DLG2: variants seen among roughly 807,000 people sequenced by gnomAD.
DLG2 encodes the protein disks large homolog 2.
In DLG2, 45 loss-of-function variants were observed where a neutral mutation model predicts 132.5. That is an observed-to-expected ratio of 0.34 (90% CI 0.27 to 0.44). The LOEUF (loss-of-function observed/expected upper bound fraction) is 0.44. Among genes scored for constraint, DLG2 ranks in the 20% least tolerant of loss-of-function variants. The pLI, the probability that DLG2 is intolerant of heterozygous loss-of-function variation, is 1.00. For synonymous variants in DLG2, 424 were observed against 419.6 expected, an observed-to-expected ratio of 1.01 and a Z score of -0.13; for missense variants, 1,045 against 1,196.9, an observed-to-expected ratio of 0.87 and a Z score of 1.87.
intron 6 of DLG2, among the ~76,000 whole-genome samples, chr11:84,634,074 T>C (rs541635228): frequency 3.7e-4 from 56 of 152,306 alleles, no homozygotes; most frequent in African/African-American, 1.3e-3. Flanking sequence ...CTATTTGCAC[T>C]TGAGGCATCT....
intron 4 of DLG2, among the ~76,000 whole-genome samples, chr11:85,172,970 C>T (rs957468339): frequency 4.2e-4 from 64 of 151,982 alleles, no homozygotes; most frequent in Non-Finnish European, 8.5e-4. Context: ...TATAGGATTA[C>T]GTAAAGTGAC....
In DLG2 at chr11:83,914,687, C is replaced by T. The variant is rs190943154; in HGVS notation, c.1496+15641G>A. ...ACGGCTAGTGAGTAGAGCCAGGATCCGAACTCAAGCACATGCCCTTAAATG... is the reference window on the plus strand; with the variant it reads ...ACGGCTAGTGAGTAGAGCCAGGATCTGAACTCAAGCACATGCCCTTAAATG... On this transcript the variant is annotated intron_variant, in intron 15 of 27. Transcript: ENST00000376104. 3.9e-5 allele frequency among the ~76,000 whole-genome samples: 6 copies of T among 152,214 alleles called. No individual in the cohort carries two copies. The East Asian group carries it at 5.8e-4, about 15-fold the overall frequency.
intron 22 of DLG2, among the ~76,000 whole-genome samples, chr11:83,479,289 T>G (rs574073420): frequency 6.6e-6 from 1 of 151,976 alleles, no homozygotes; most frequent in East Asian, 1.9e-4. Flanking sequence ...TCCAAAGCCT[T>G]TCTTAAAAAT....
chr11:83,483,277 C>T (rs748564287), intron 22 of DLG2: 6 of 1,612,938 alleles, frequency 3.7e-6, no homozygotes, highest in Admixed American at 1.7e-5. Flanking sequence ...CCATAACCGT[C>T]GTCACCTAAT....
chr11:85,533,950 T>A (rs914889892), intron 3 of DLG2, among the ~76,000 whole-genome samples: 7 of 152,208 alleles, frequency 4.6e-5, no homozygotes, highest in African/African-American at 1.7e-4. Context: ...AATAGAACAA[T>A]ATATGCCCAC....
intron 7 of DLG2, among the ~76,000 whole-genome samples, chr11:84,304,341 A>G (rs1805410633): frequency 1.3e-5 from 2 of 152,194 alleles, no homozygotes; most frequent in Non-Finnish European, 2.9e-5. Flanking sequence ...GTAAGGCAAT[A>G]CTCTAATTTT....
chr11:85,027,173 CTTTTTTTTT>C (rs10571202), intron 6 of DLG2, among the ~76,000 whole-genome samples: 6 of 69,364 alleles, frequency 8.7e-5, no homozygotes, highest in Admixed American at 5.8e-4. Context: ...AGTGTGGTCT[CTTTTTTTTT>C]TTTTTTTTTT....
intron 4 of DLG2, among the ~76,000 whole-genome samples, chr11:85,183,591 A>G (rs2079879750): frequency 6.6e-6 from 1 of 151,892 alleles, no homozygotes; most frequent in Non-Finnish European, 1.5e-5. Context: ...GTCCAGGTCC[A>G]CCATTTTAAC....
intron 3 of DLG2, among the ~76,000 whole-genome samples, chr11:85,333,864 AC>A (rs2152844119): frequency 6.7e-6 from 1 of 149,054 alleles, no homozygotes; most frequent in South Asian, 2.1e-4. Context: ...ACCTATGTTT[AC>A]CTGGGATATT....
chr11:83,561,600 A>G (rs1810692704), intron 19 of DLG2, among the ~76,000 whole-genome samples: 1 of 152,202 alleles, frequency 6.6e-6, no homozygotes, highest in African/African-American at 2.4e-5. Flanking sequence ...CTGTTTGTTA[A>G]TTATTCTTTT....
chr11:84,952,804 A>G (rs2051137136), intron 6 of DLG2, among the ~76,000 whole-genome samples: 1 of 152,188 alleles, frequency 6.6e-6, no homozygotes, highest in African/African-American at 2.4e-5. Flanking sequence ...GGGTTGTAAA[A>G]TCTGTTCCTA....
At chr11:84,992,302 C>T (rs2057206009) in intron 6 of DLG2, among the ~76,000 whole-genome samples, 1 of 152,278 alleles carries the variant, frequency 6.6e-6, no homozygotes, top group South Asian at 2.1e-4. Flanking sequence ...TTATGTTTGT[C>T]TCCTCCATTA....
chr11:84,546,666 A>T, intron 6 of DLG2: 1 of 532,234 alleles, frequency 1.9e-6, no homozygotes, highest in Admixed American at 2.2e-5. Context: ...GGCATATGTG[A>T]CAAACCCAAA....
In DLG2 at chr11:83,458,879, T is replaced by C. The variant is rs1177568790; in HGVS notation, c.*939A>G. On this transcript the variant is annotated 3_prime_UTR_variant, in exon 28 of 28. Coordinates refer to ENST00000376104, the MANE Select transcript of DLG2 (RefSeq NM_001142699.3). ...GTGCTGCATGAGAGTGTATCACTAA[T>C]GTGGAAGGGAGGTAAGTGAGGAAGA... 6.6e-6 allele frequency: 1 copy of C among 152,196 alleles called. No individual in the cohort carries two copies. The highest frequency in any genetic ancestry group is 2.4e-5 in the African/African-American group (1 of 41,442). The allele number at this position is 152,196 out of a possible 1,614,324, so 9.4% of individuals were successfully genotyped here.
chr11:84,843,702 T>C (rs547026170), intron 6 of DLG2, among the ~76,000 whole-genome samples: 1 of 151,898 alleles, frequency 6.6e-6, no homozygotes. Flanking sequence ...ACGATGGTAA[T>C]GCTATGGAAA....
chr11:83,868,483 G>A (rs948233459), intron 16 of DLG2, among the ~76,000 whole-genome samples: 1 of 151,938 alleles, frequency 6.6e-6, no homozygotes, highest in African/African-American at 2.4e-5. Flanking sequence ...GCAAAATAAA[G>A]AGAATGACAC....
chr11:85,417,272 C>T (rs548552217), intron 3 of DLG2, among the ~76,000 whole-genome samples: 2 of 152,094 alleles, frequency 1.3e-5, no homozygotes, highest in Non-Finnish European at 2.9e-5. Flanking sequence ...ATTGAACAAG[C>T]CTTGCATCCC....
chr11:84,166,266 G>A (rs2095659855), intron 8 of DLG2, among the ~76,000 whole-genome samples: 1 of 152,132 alleles, frequency 6.6e-6, no homozygotes, highest in South Asian at 2.1e-4. Context: ...TACTTTGGGA[G>A]GCAGGAGCAG....
At chr11:84,433,102 T>C (rs1033918656) in intron 7 of DLG2, among the ~76,000 whole-genome samples, 13 of 152,184 alleles carry the variant, frequency 8.5e-5, no homozygotes, top group Non-Finnish European at 1.3e-4. Flanking sequence ...ACTCATAGGT[T>C]ATAAACTGCC....
Sources: gnomAD v4.1 joint callset for allele counts (sites outside exome capture counted in the v4.1 genomes callset) on GRCh38, gnomAD v4.1.1 for gene constraint, MANE v1.5 for transcripts, NCBI Gene and HGNC (gene_info 2026-07-23, HGNC 2026-07-21) for gene names.